ADGRL2: variants seen among roughly 807,000 people sequenced by gnomAD.
ADGRL2 encodes the protein adhesion G protein-coupled receptor L2.
A neutral mutation model predicts 157.4 loss-of-function variants in ADGRL2; 44 were observed. The observed-to-expected ratio is 0.28, with a 90% CI of 0.22 to 0.36. The LOEUF (loss-of-function observed/expected upper bound fraction) is 0.36. Among genes scored for constraint, ADGRL2 ranks in the 10% least tolerant of loss-of-function variants. ADGRL2 has a pLI of 1.00. For missense variants in ADGRL2, 1,510 were observed against 1,768.9 expected (o/e 0.85, Z 2.63); for synonymous variants, 585 against 624.7 (o/e 0.94, Z 0.95).
intron 2 of ADGRL2, among the ~76,000 whole-genome samples, chr1:81,888,517 C>A (rs1159424220): frequency 6.6e-6 from 1 of 152,146 alleles, no homozygotes; most frequent in African/African-American, 2.4e-5. Context: ...TCGCTCACTG[C>A]AAGCTCTGCC....
intron 2 of ADGRL2, among the ~76,000 whole-genome samples, chr1:81,456,513 C>T (rs1013268893): frequency 6.6e-6 from 1 of 152,150 alleles, no homozygotes; most frequent in Non-Finnish European, 1.5e-5. Flanking sequence ...GCTAGGGTTA[C>T]AGGCATAAGC....
At chr1:81,341,836 C>T (rs12057621) in intron 1 of ADGRL2, among the ~76,000 whole-genome samples, 1 of 152,122 alleles carries the variant, frequency 6.6e-6, no homozygotes, top group Non-Finnish European at 1.5e-5. Flanking sequence ...ATGCTAGTAA[C>T]TGCATTTATT....
intron 2 of ADGRL2, among the ~76,000 whole-genome samples, chr1:81,452,166 T>C (rs6669390): frequency 0.014 from 2,152 of 152,292 alleles, 42 homozygotes; most frequent in African/African-American, 0.047. Context: ...GACTTATCTG[T>C]CCAATTACAG....
chr1:81,415,236 T>G, intron 1 of ADGRL2, among the ~76,000 whole-genome samples: 1 of 152,214 alleles, frequency 6.6e-6, no homozygotes, highest in East Asian at 1.9e-4. Context: ...AAAAGGCTAT[T>G]ATAAACAAAT....
chr1:81,887,580 A>G (rs2094155391), intron 2 of ADGRL2, among the ~76,000 whole-genome samples: 1 of 152,218 alleles, frequency 6.6e-6, no homozygotes, highest in Admixed American at 6.5e-5. Context: ...AAAAATATAT[A>G]AAAGGAAACA....
Position 81,329,628 on chromosome 1 carries a change from A to G in ADGRL2, c.-302+23119A>G, listed in dbSNP as rs1295455508. The stretch of plus-strand genomic sequence containing the variant: ...CTGCCTGAGCAGCATCATACTTTAG[A>G]AAAGAAAGCTCTAAATATAAAGTAC... On this transcript the variant is annotated intron_variant, in intron 1 of 24. Coordinates refer to the ADGRL2 transcript ENST00000370721. 2.6e-5 allele frequency among the ~76,000 whole-genome samples: 4 copies of G among 152,156 alleles called. No homozygotes were observed. The South Asian group carries it at 6.2e-4, about 24-fold the overall frequency.
chr1:81,685,757 T>C (rs1557564883), intron 3 of ADGRL2, among the ~76,000 whole-genome samples: 2 of 152,226 alleles, frequency 1.3e-5, no homozygotes, highest in Non-Finnish European at 2.9e-5. Flanking sequence ...TTCAGTATTA[T>C]GTTGGCTGTG....
chr1:81,726,079 C>A (rs960546224), intron 1 of ADGRL2, among the ~76,000 whole-genome samples: 2 of 152,198 alleles, frequency 1.3e-5, no homozygotes, highest in African/African-American at 4.8e-5. Flanking sequence ...GAAAGCATCT[C>A]AATGACCTGT....
chr1:81,485,210 G>A (rs1377580400), intron 2 of ADGRL2, among the ~76,000 whole-genome samples: 1 of 151,738 alleles, frequency 6.6e-6, no homozygotes, highest in Admixed American at 6.6e-5. Flanking sequence ...TGTCTGAGTG[G>A]TGTGTAGTAA....
At chr1:81,932,625 A>T (rs1359607738) in intron 3 of ADGRL2, among the ~76,000 whole-genome samples, 1 of 152,184 alleles carries the variant, frequency 6.6e-6, no homozygotes, top group Non-Finnish European at 1.5e-5. Context: ...TAAATCTGAG[A>T]TGGCTGGGTT....
upstream of ADGRL2, among the ~76,000 whole-genome samples, chr1:81,800,669 AC>A (rs2149459120): frequency 6.6e-6 from 1 of 151,756 alleles, no homozygotes; most frequent in Admixed American, 6.6e-5. Flanking sequence ...CTCTTCACCC[AC>A]TCCAGAAATA....
chr1:81,825,049 A>G (rs2091342970), intron 1 of ADGRL2, among the ~76,000 whole-genome samples: 1 of 151,036 alleles, frequency 6.6e-6, no homozygotes, highest in Non-Finnish European at 1.5e-5. Context: ...CTTGTTGTTA[A>G]AATACATACA....
chr1:81,958,742 G>C (rs1415472565), intron 11 of ADGRL2, among the ~76,000 whole-genome samples: 1 of 152,148 alleles, frequency 6.6e-6, no homozygotes, highest in Non-Finnish European at 1.5e-5. Context: ...TGATATTTCT[G>C]TGTCCTCAGA....
chr1:81,777,519 C>A (rs1159962789), intron 2 of ADGRL2, among the ~76,000 whole-genome samples: 1 of 152,148 alleles, frequency 6.6e-6, no homozygotes, highest in African/African-American at 2.4e-5. Context: ...ACCTGTAATC[C>A]CAGCACTTTG....
intron 3 of ADGRL2, among the ~76,000 whole-genome samples, chr1:81,651,018 G>A (rs1300129954): frequency 6.6e-6 from 1 of 152,140 alleles, no homozygotes; most frequent in Non-Finnish European, 1.5e-5. Flanking sequence ...TAATTTAAAT[G>A]AGAGAGATGT....
At chr1:81,341,448 T>A (rs76396989) in intron 1 of ADGRL2, among the ~76,000 whole-genome samples, 2 of 58,382 alleles carry the variant, frequency 3.4e-5, no homozygotes, top group African/African-American at 8.6e-5. Context: ...AAAACTGTGA[T>A]TTTTTTTTTT....
At chr1:81,969,447 G>A in intron 15 of ADGRL2, 60 bp downstream of exon 15, 1 of 1,118,812 alleles carries the variant, frequency 8.9e-7, no homozygotes, top group Non-Finnish European at 1.3e-6. Context: ...GTAGGTGTGA[G>A]GTGACATATG....
chr1:81,967,996 C>A (rs962663370), intron 13 of ADGRL2, 30 bp from the exon 14 acceptor site: 1 of 1,570,306 alleles, frequency 6.4e-7, no homozygotes, highest in African/African-American at 1.4e-5. Flanking sequence ...ATATAAAATC[C>A]TAATTTTATC....
intron 2 of ADGRL2, among the ~76,000 whole-genome samples, chr1:81,567,867 A>G (rs1005637639): frequency 5.3e-5 from 8 of 152,114 alleles, no homozygotes; most frequent in Admixed American, 3.3e-4. Flanking sequence ...TATGATTCCA[A>G]TAGTTTATTC....
Sources: allele counts gnomAD v4.1 joint callset (sites outside exome capture counted in the v4.1 genomes callset), GRCh38; gene constraint gnomAD v4.1.1; transcripts MANE v1.5; gene names NCBI Gene and HGNC (gene_info 2026-07-23, HGNC 2026-07-21).